The following HACE1 variants were observed in gnomAD, a reference collection of about 807,000 sequenced individuals.
HACE1 encodes E3 ubiquitin-protein ligase HACE1.
Under a neutral mutation model 118.4 loss-of-function variants are expected in HACE1, and 73 were observed. That is an observed-to-expected ratio of 0.62 (90% CI 0.51 to 0.75). The LOEUF (loss-of-function observed/expected upper bound fraction) is 0.75. Among genes scored for constraint, HACE1 ranks in the 30% least tolerant of loss-of-function variants. The pLI is 0.00. For synonymous variants in HACE1, 368 were observed against 374.8 expected (o/e 0.98, Z 0.21); for missense variants, 749 against 1,102.2 (o/e 0.68, Z 4.54).
chr6:104,847,276 G>T (rs1459331242), intron 4 of HACE1, among the ~76,000 whole-genome samples: 1 of 152,140 alleles, frequency 6.6e-6, no homozygotes, highest in Non-Finnish European at 1.5e-5. Context: ...CATAGTTGTT[G>T]AAACAGAGTA....
chr6:104,744,071 A>G (rs1043164858), intron 22 of HACE1, 89 bp downstream of exon 22: 2 of 811,746 alleles, frequency 2.5e-6, no homozygotes, highest in Admixed American at 1.8e-5. Flanking sequence ...GACAATTCAG[A>G]GTAATAATTC....
intron 22 of HACE1, among the ~76,000 whole-genome samples, chr6:104,740,956 T>C (rs1419133607): frequency 2.3e-5 from 3 of 129,686 alleles, no homozygotes; most frequent in Non-Finnish European, 4.8e-5. Flanking sequence ...AAAAAGCTTA[T>C]CCACCATGAT....
At chr6:104,845,272 A>G (rs1354712121) in intron 4 of HACE1, among the ~76,000 whole-genome samples, 1 of 152,070 alleles carries the variant, frequency 6.6e-6, no homozygotes, top group Non-Finnish European at 1.5e-5. Context: ...AGCCAGGCTC[A>G]TAGTAGCTCT....
intron 17 of HACE1, among the ~76,000 whole-genome samples, chr6:104,775,745 T>C (rs1445580328): frequency 6.6e-6 from 1 of 152,168 alleles, no homozygotes; most frequent in Non-Finnish European, 1.5e-5. Context: ...ACGAAACCCA[T>C]CACAGGGATG....
chr6:104,824,317 A>G (rs1354224569), intron 6 of HACE1, among the ~76,000 whole-genome samples: 1 of 152,242 alleles, frequency 6.6e-6, no homozygotes, highest in Non-Finnish European at 1.5e-5. Flanking sequence ...GATATCATGA[A>G]TGATAAATAG....
At chr6:104,850,477 T>C (rs1456457989) in intron 3 of HACE1, among the ~76,000 whole-genome samples, 1 of 152,136 alleles carries the variant, frequency 6.6e-6, no homozygotes, top group African/African-American at 2.4e-5. Flanking sequence ...GAAAAGAGGA[T>C]AGGTACCAAT....
At chr6:104,758,479 C>A (rs545378742) in intron 19 of HACE1, among the ~76,000 whole-genome samples, 1 of 152,244 alleles carries the variant, frequency 6.6e-6, no homozygotes, top group East Asian at 1.9e-4. Flanking sequence ...AAATAAAATC[C>A]TTTCCAGACA....
intron 10 of HACE1, among the ~76,000 whole-genome samples, chr6:104,793,613 A>G (rs1783305605): frequency 6.6e-6 from 1 of 152,234 alleles, no homozygotes; most frequent in Non-Finnish European, 1.5e-5. Flanking sequence ...CATATATTTG[A>G]ATCAGTTATT....
At chr6:104,794,226 T>C (rs1783374224) in intron 10 of HACE1, among the ~76,000 whole-genome samples, 1 of 152,218 alleles carries the variant, frequency 6.6e-6, no homozygotes, top group Non-Finnish European at 1.5e-5. Flanking sequence ...GCTTGGTACC[T>C]GCTTAATAAG....
chr6:104,833,779 G>A (rs1774243111), intron 5 of HACE1, among the ~76,000 whole-genome samples: 1 of 152,204 alleles, frequency 6.6e-6, no homozygotes, highest in South Asian at 2.1e-4. Context: ...AAGGTCAGGA[G>A]ATCAAGACCA....
At chr6:104,784,943 T>A (rs1323874143) in intron 12 of HACE1, 42 bp downstream of exon 12, 2 of 1,196,074 alleles carry the variant, frequency 1.7e-6, no homozygotes, top group Non-Finnish European at 2.5e-6. Context: ...CTTTTCATCA[T>A]CTATCAGAGA....
At chr6:104,843,069 C>A (rs1235713442) in intron 5 of HACE1, among the ~76,000 whole-genome samples, 154 bp downstream of exon 5, 1 of 152,168 alleles carries the variant, frequency 6.6e-6, no homozygotes, top group Non-Finnish European at 1.5e-5. Context: ...ACAGATTAGA[C>A]CACCTCACTC....
Position 104,838,503 on chromosome 6 carries a change from A to G in HACE1, c.402+4720T>C, listed in dbSNP as rs1411944638. On this transcript the variant is annotated intron_variant, in intron 5 of 23. Coordinates refer to ENST00000262903, the MANE Select transcript of HACE1 (RefSeq NM_020771.4). ...AATGGTGCGGGAAAACTGGATATCC[A>G]TACACAAAAAATGAAACTAGGCTCC... 2.0e-5 allele frequency among the ~76,000 whole-genome samples: 3 copies of G among 152,148 alleles called. No homozygotes were observed. The East Asian group carries it at 5.8e-4, about 29-fold the overall frequency.
At chr6:104,832,826 GAGTGTA>G (rs1490186578) in intron 6 of HACE1, among the ~76,000 whole-genome samples, 2 of 152,166 alleles carry the variant, frequency 1.3e-5, no homozygotes, top group African/African-American at 2.4e-5. Context: ...TTGAGCCCAG[GAGTGTA>G]AGGCTGCAGT....
chr6:104,738,324 C>A (rs1187233933), intron 22 of HACE1, among the ~76,000 whole-genome samples: 1 of 151,868 alleles, frequency 6.6e-6, no homozygotes, highest in Non-Finnish European at 1.5e-5. Flanking sequence ...TGGAGAATGA[C>A]TTTGATGAGC....
rs1419965166 is a variant in HACE1, at chr6:104,785,247, T to G, written c.1147A>C (p.Arg383=). 2 of 1,612,960 alleles carry G rather than the reference T, an allele frequency of 1.2e-6. No homozygotes were observed. The highest frequency in any genetic ancestry group is 2.7e-5 in the African/African-American group (2 of 74,918). ...ATAGAAGTGATCTCTGTTGAGTCTC[T>G]TTTGTTTTTCATCAATTCTGTGGCT... ...LIATELMKNK[R]DSTEITSILL... is the part of the protein sequence containing the mutation. Residue 383 remains arginine, a synonymous_variant, in exon 12 of 24, where the codon AGA becomes CGA. Transcript: ENST00000262903.
intron 19 of HACE1, among the ~76,000 whole-genome samples, chr6:104,757,590 A>C (rs1778864322): frequency 6.6e-6 from 1 of 152,228 alleles, no homozygotes; most frequent in Non-Finnish European, 1.5e-5. Context: ...GATGGGGAGA[A>C]ACCAGAGCAG....
At chr6:104,799,436 T>C (rs972856395) in intron 7 of HACE1, among the ~76,000 whole-genome samples, 1 of 152,218 alleles carries the variant, frequency 6.6e-6, no homozygotes, top group African/African-American at 2.4e-5. Flanking sequence ...TACAAATTGC[T>C]GGGAAGAGCT....
At chr6:104,756,011 A>G (rs1044598185) in intron 19 of HACE1, among the ~76,000 whole-genome samples, 2 of 152,292 alleles carry the variant, frequency 1.3e-5, no homozygotes, top group African/African-American at 4.8e-5. Context: ...TTTTGAAAAT[A>G]TTAATAAAAT....
Sources: allele counts gnomAD v4.1 joint callset (sites outside exome capture counted in the v4.1 genomes callset), GRCh38; gene constraint gnomAD v4.1.1; transcripts MANE v1.5; gene names NCBI Gene and HGNC (gene_info 2026-07-23, HGNC 2026-07-21).